TOM1: variants seen among roughly 807,000 people sequenced by gnomAD.
TOM1 encodes the protein target of Myb protein 1.
Under a neutral mutation model 61.3 loss-of-function variants are expected in TOM1, and 38 were observed. The ratio of observed to expected loss-of-function variants is 0.62; its 90% CI spans 0.48 to 0.81. The LOEUF is 0.81. Ranked by LOEUF, TOM1 falls within the 40% of genes least tolerant of loss-of-function variation. TOM1 has a pLI of 0.00. For synonymous variants in TOM1, 270 were observed against 268.8 expected (o/e 1.00, Z -0.04); for missense variants, 591 against 659.6 (o/e 0.90, Z 1.14).
intron 12 of TOM1, among the ~76,000 whole-genome samples, chr22:35,342,390 C>T (rs554433658): frequency 7.2e-5 from 11 of 152,176 alleles, no homozygotes; most frequent in African/African-American, 2.4e-4. Context: ...TCTCCCTCCA[C>T]TCTGGGGCCC....
At chr22:35,317,848 T>C in intron 1 of TOM1, 29 bp from the exon 2 acceptor site, 3 of 1,592,532 alleles carry the variant, frequency 1.9e-6, no homozygotes, top group Non-Finnish European at 1.7e-6. Context: ...GACCCCCTCA[T>C]GACTTTATGA....
chr22:35,331,147 G>A (rs1928807456), intron 8 of TOM1: 4 of 278,974 alleles, frequency 1.4e-5, no homozygotes, highest in Non-Finnish European at 2.1e-5. Flanking sequence ...CCAGGCTGGA[G>A]TATAGTGGCA....
rs1388780829 is a variant in TOM1 at position 35,347,776 on chromosome 22, G to A, written c.*567G>A. 1 of 153,156 alleles carries A rather than the reference G, an allele frequency of 6.5e-6. No homozygotes were observed. Among genetic ancestry groups the A allele is most frequent in the East Asian group, 1.9e-4 (1 of 5,202 alleles). The allele number at this position is 153,156 out of a possible 1,614,324, so 9.5% of individuals were successfully genotyped here. On this transcript the variant is annotated 3_prime_UTR_variant, in exon 15 of 15. Coordinates refer to ENST00000449058, the MANE Select transcript of TOM1 (RefSeq NM_005488.3). ...ACGAAGCTGCAACTCTGCGCGCAGT[G>A]GGCGAGATCTCATCAGCCCCAGGCT... is the stretch of plus-strand genomic sequence containing the variant.
rs770939397 is a variant in TOM1, at chr22:35,347,173, C to A, written c.1443C>A (p.Thr481=). 2 of 1,612,682 alleles carry A rather than the reference C, an allele frequency of 1.2e-6. No individual in the cohort carries two copies. Among genetic ancestry groups the A allele is most frequent in the East Asian group, 4.5e-5 (2 of 44,862 alleles). ...PPSGPAPRKK[T]QEKDDDMLFA... ...CTGGCCCAGCGCCCCGGAAGAAGAC[C>A]CAGGAGAAAGATGATGACATGCTGT... is the stretch of plus-strand genomic sequence containing the variant. The change falls in exon 15 of 15, where the codon ACC becomes ACA. Residue 481 remains threonine, a synonymous_variant. Coordinates refer to ENST00000449058, the MANE Select transcript of TOM1 (RefSeq NM_005488.3).
At chr22:35,343,280 T>TACAC (rs1208651581) in intron 12 of TOM1, among the ~76,000 whole-genome samples, 7 of 103,888 alleles carry the variant, frequency 6.7e-5, no homozygotes, top group Admixed American at 2.1e-4. Context: ...CTCATACACC[T>TACAC]ACACACACAG....
chr22:35,328,451 T>A (rs1928530788), intron 7 of TOM1, among the ~76,000 whole-genome samples: 1 of 152,166 alleles, frequency 6.6e-6, no homozygotes, highest in African/African-American at 2.4e-5. Context: ...CCACCCCCAT[T>A]TTCCAGGTCA....
chr22:35,323,605 T>C lies in TOM1; in HGVS notation c.476T>C (p.Leu159Pro), dbSNP rs748048887. 2 of 1,614,104 alleles carry C rather than the reference T, an allele frequency of 1.2e-6. No homozygotes were observed. Among genetic ancestry groups the C allele is most frequent in the South Asian group, 1.1e-5 (1 of 91,078 alleles). The change falls in exon 5 of 15, where the codon CTG becomes CCG. Residue 159 changes from leucine (L) to proline (P), a missense_variant. Leu to Pro is a moderately conservative substitution (Grantham distance 98, BLOSUM62 -3). Transcript: ENST00000449058. The surrounding 1 kb of genome is among the most constrained non-coding windows in gnomAD (Gnocchi z 4.2). ...TTCCCCATGACTGACCTGGACATGC[T>C]GTCACCCATCCACACACCCCAGAGG... The part of the protein sequence containing the change: ...LEFPMTDLDM[L>P]SPIHTPQRTV...
At chr22:35,301,880 A>G (rs1268869249) in intron 1 of TOM1, among the ~76,000 whole-genome samples, 1 of 152,162 alleles carries the variant, frequency 6.6e-6, no homozygotes, top group African/African-American at 2.4e-5. Context: ...CTCTCCTCTC[A>G]TCTATATTTC....
Position 35,347,340 on chromosome 22 carries a change from G to T in TOM1, c.*131G>T, listed in dbSNP as rs889691799. ...TTACCCCCTTTTCCTCCTCTTTGAA[G>T]ACGGAGCTGCCCCAGCTGTGGCTGG... On this transcript the variant is annotated 3_prime_UTR_variant, in exon 15 of 15. Coordinates refer to ENST00000449058, the MANE Select transcript of TOM1 (RefSeq NM_005488.3). 2 of 983,264 alleles carry T rather than the reference G, an allele frequency of 2.0e-6. No individual in the cohort carries two copies. Among genetic ancestry groups the T allele is most frequent in the East Asian group, 2.7e-5 (1 of 37,298 alleles). 60.9% of individuals were successfully genotyped at this position (983,264 alleles called of 1,614,324 possible).
chr22:35,318,379 A>C, intron 2 of TOM1: 1 of 192,484 alleles, frequency 5.2e-6, no homozygotes. Flanking sequence ...CCATTTCCTT[A>C]AGATTTGAAA....
intron 1 of TOM1, 64 bp downstream of exon 1, chr22:35,300,044 G>A (rs1925584453): frequency 6.5e-7 from 1 of 1,538,750 alleles, no homozygotes; most frequent in Non-Finnish European, 8.8e-7. Flanking sequence ...GGTCCCCTGG[G>A]AAGCCTCCGG....
intron 12 of TOM1, among the ~76,000 whole-genome samples, chr22:35,340,430 C>T (rs1315530976): frequency 2.6e-5 from 4 of 151,932 alleles, no homozygotes; most frequent in African/African-American, 9.7e-5. Flanking sequence ...GACTTCCAAT[C>T]TGAAAGATCA....
intron 12 of TOM1, among the ~76,000 whole-genome samples, chr22:35,339,785 T>G (rs1159964684): frequency 6.6e-6 from 1 of 151,382 alleles, no homozygotes; most frequent in African/African-American, 2.4e-5. Context: ...GCGCCTGTAG[T>G]CCCAGCTACT....
At chr22:35,333,184 G>T in intron 9 of TOM1, 170 bp downstream of exon 9, 1 of 845,814 alleles carries the variant, frequency 1.2e-6, no homozygotes, top group Non-Finnish European at 1.9e-6. Context: ...GGTAAATAAG[G>T]CTGTGCCACC....
At position 35,326,976 on chromosome 22, in the gene TOM1, G is replaced by A. The variant is rs188861323; in HGVS notation, c.649-295G>A. ...GCCACCCTCCAGGGCCTTGTTAGCT[G>A]CTGTGTTAGACCCAGGAGATGCTGG... is the stretch of plus-strand genomic sequence containing the variant. On this transcript the variant is annotated intron_variant, in intron 6 of 14. Coordinates refer to ENST00000449058, the MANE Select transcript of TOM1 (RefSeq NM_005488.3). Among the ~76,000 whole-genome samples the A allele has an allele frequency of 1.1e-4, 17 of 152,344 alleles. No individual in the cohort carries two copies. In the East Asian group the frequency reaches 3.1e-3, roughly 28 times the overall value.
At chr22:35,336,516 A>G (rs1411361635) in intron 11 of TOM1, among the ~76,000 whole-genome samples, 1 of 152,200 alleles carries the variant, frequency 6.6e-6, no homozygotes, top group Non-Finnish European at 1.5e-5. Context: ...AGCCAGTCCT[A>G]TCCACTCAAT....
intron 6 of TOM1, among the ~76,000 whole-genome samples, chr22:35,326,859 G>A (rs1328428344): frequency 1.3e-5 from 2 of 152,106 alleles, no homozygotes; most frequent in African/African-American, 2.4e-5. Flanking sequence ...CGGAATCCCA[G>A]TCCTCTAGGA....
chr22:35,339,056 C>A (rs1009437114), intron 12 of TOM1, among the ~76,000 whole-genome samples: 3 of 152,138 alleles, frequency 2.0e-5, no homozygotes, highest in Non-Finnish European at 2.9e-5. Context: ...CCAGGCCGGG[C>A]GTGGTGGCTC....
At chr22:35,333,077 T>G in intron 9 of TOM1, 63 bp downstream of exon 9, 1 of 1,536,290 alleles carries the variant, frequency 6.5e-7, no homozygotes, top group Non-Finnish European at 9.0e-7. Context: ...AGTGCCATTC[T>G]CACCTCCCTC....
Sources: gnomAD v4.1 joint callset for allele counts (sites outside exome capture counted in the v4.1 genomes callset) on GRCh38, gnomAD v4.1.1 for gene constraint, Gnocchi (gnomAD v3.1) non-coding constraint, MANE v1.5 for transcripts, NCBI Gene and HGNC (gene_info 2026-07-23, HGNC 2026-07-21) for gene names.